The following AGBL1 variants were observed in gnomAD, a reference collection of about 807,000 sequenced individuals.
The protein encoded by AGBL1 is AGBL carboxypeptidase 1, also known as cytosolic carboxypeptidase 4.
Under a neutral mutation model 118.9 loss-of-function variants are expected in AGBL1, and 130 were observed. The observed-to-expected ratio is 1.09, with a 90% confidence interval of 0.95 to 1.26. The LOEUF is 1.26. Ranked by LOEUF, AGBL1 falls within the 50% of genes most tolerant of loss-of-function variation. The probability of loss-of-function intolerance (pLI) is 0.00; values close to 1 mark genes in which losing one functional copy is unlikely to be tolerated. For missense variants in AGBL1, 1,584 were observed against 1,298.1 expected (o/e 1.22, Z -3.38); for synonymous variants, 555 against 478.9 (o/e 1.16, Z -2.08).
At chr15:86,500,232 G>A (rs1490473850) in intron 18 of AGBL1, among the ~76,000 whole-genome samples, 2 of 151,836 alleles carry the variant, frequency 1.3e-5, no homozygotes, top group Non-Finnish European at 2.9e-5. Context: ...TGATGCACAG[G>A]TTTGTGGAGG....
At chr15:86,501,697 A>G (rs886456024) in intron 18 of AGBL1, among the ~76,000 whole-genome samples, 1 of 151,532 alleles carries the variant, frequency 6.6e-6, no homozygotes, top group Non-Finnish European at 1.5e-5. Flanking sequence ...CATTTGTTGA[A>G]AAGGCTATTT....
At chr15:86,184,433 C>CTTTTTT (rs71144032) in intron 5 of AGBL1, among the ~76,000 whole-genome samples, 1 of 136,186 alleles carries the variant, frequency 7.3e-6, no homozygotes, top group African/African-American at 2.6e-5. Context: ...TTTTTTCTTT[C>CTTTTTT]TTTTTTTTTT....
intron 11 of AGBL1, 37 bp downstream of exon 11, chr15:86,264,875 G>A (rs1445921616): frequency 2.7e-6 from 4 of 1,490,798 alleles, no homozygotes; most frequent in Non-Finnish European, 3.6e-6. Flanking sequence ...CTTTTTTTCT[G>A]TTCTTTGATA....
At position 86,863,963 on chromosome 15, in the gene AGBL1, G is replaced by A. The variant is rs78537261; in HGVS notation, c.3159-43124G>A. On this transcript the variant is annotated intron_variant, in intron 22 of 22. Transcript: ENST00000614907. ...TAGCCTAGCACCTGGGGGATGGTAG[G>A]GTTTCAACAAAAGGTAATTGATACA... Among the ~76,000 whole-genome samples, 6 of 152,208 alleles carry A rather than the reference G, an allele frequency of 3.9e-5. No individual in the cohort carries two copies. In the East Asian group the frequency reaches 1.2e-3, roughly 29 times the overall value.
At chr15:86,922,610 T>G (rs2080492216) in intron 23 of AGBL1, among the ~76,000 whole-genome samples, 1 of 152,198 alleles carries the variant, frequency 6.6e-6, no homozygotes, top group Non-Finnish European at 1.5e-5. Context: ...TTTAAAAAAC[T>G]AAACAGAAGG....
intron 18 of AGBL1, among the ~76,000 whole-genome samples, chr15:86,489,437 A>AT (rs1567021096): frequency 2.0e-5 from 3 of 152,228 alleles, no homozygotes; most frequent in East Asian, 1.9e-4. Flanking sequence ...GTAAGTTGTC[A>AT]TTTTTTTCCT....
intron 23 of AGBL1, among the ~76,000 whole-genome samples, chr15:86,975,803 C>T (rs529509966): frequency 7.9e-5 from 12 of 152,108 alleles, no homozygotes; most frequent in African/African-American, 2.7e-4. Flanking sequence ...TAAATATGAT[C>T]GCAGTTATAA....
intron 18 of AGBL1, among the ~76,000 whole-genome samples, chr15:86,412,389 C>A (rs2081634029): frequency 6.6e-6 from 1 of 152,278 alleles, no homozygotes; most frequent in Non-Finnish European, 1.5e-5. Flanking sequence ...TGACTATTAT[C>A]CTATTTCTGA....
chr15:86,722,454 C>A (rs200752090), intron 22 of AGBL1, among the ~76,000 whole-genome samples: 33,869 of 151,980 alleles, frequency 0.22, 4,348 homozygotes, highest in South Asian at 0.35. Context: ...GGCTAGCCAT[C>A]TGTAGAAAGC....
intron 23 of AGBL1, among the ~76,000 whole-genome samples, chr15:86,929,965 G>A (rs2080586072): frequency 6.6e-6 from 1 of 152,074 alleles, no homozygotes; most frequent in Non-Finnish European, 1.5e-5. Context: ...CCCTTTGGCT[G>A]GCTAATATTT....
At chr15:86,596,105 C>A (rs2084401701) in intron 21 of AGBL1, among the ~76,000 whole-genome samples, 1 of 151,840 alleles carries the variant, frequency 6.6e-6, no homozygotes, top group Non-Finnish European at 1.5e-5. Context: ...TTGAGACCAG[C>A]CTGGACAACA....
chr15:86,924,185 G>A (rs1410494847), intron 23 of AGBL1, among the ~76,000 whole-genome samples: 1 of 152,204 alleles, frequency 6.6e-6, no homozygotes, highest in East Asian at 1.9e-4. Context: ...ATACACACAT[G>A]CTCATACACA....
At chr15:86,221,830 A>AT (rs1235791937) in intron 5 of AGBL1, among the ~76,000 whole-genome samples, 2 of 151,986 alleles carry the variant, frequency 1.3e-5, no homozygotes, top group Non-Finnish European at 2.9e-5. Context: ...TGAAGTGAAA[A>AT]TTTCTTAGAT....
intron 17 of AGBL1, among the ~76,000 whole-genome samples, chr15:86,393,183 TG>T (rs1488756841): frequency 6.6e-6 from 1 of 152,188 alleles, no homozygotes; most frequent in Non-Finnish European, 1.5e-5. Flanking sequence ...CAAGGTCTTG[TG>T]GTGTATTACA....
downstream of AGBL1, among the ~76,000 whole-genome samples, chr15:86,918,180 C>G (rs2080447918): frequency 6.6e-6 from 1 of 152,124 alleles, no homozygotes; most frequent in African/African-American, 2.4e-5. Context: ...AAACATGAAC[C>G]AGACCTTGGG....
At chr15:86,301,641 GGTGTGTGTGTGT>G (rs60282415) in intron 17 of AGBL1, among the ~76,000 whole-genome samples, 13,154 of 137,188 alleles carry the variant, frequency 0.096, 696 homozygotes, top group Middle Eastern at 0.16. Flanking sequence ...TAATCTACAG[GGTGTGTGTGTGT>G]GTGTGTGTGT....
At chr15:86,733,307 C>G (rs986978418) in intron 22 of AGBL1, among the ~76,000 whole-genome samples, 3 of 152,110 alleles carry the variant, frequency 2.0e-5, no homozygotes, top group Admixed American at 2.0e-4. Flanking sequence ...AAAGTTTTCT[C>G]TTCCTCTTCC....
intron 22 of AGBL1, among the ~76,000 whole-genome samples, chr15:86,889,565 G>C (rs1453637210): frequency 1.3e-5 from 2 of 152,064 alleles, no homozygotes; most frequent in African/African-American, 4.8e-5. Flanking sequence ...CCCAACGGCA[G>C]GCCCCAGTGT....
chr15:86,325,787 A>G (rs968440203), intron 17 of AGBL1, among the ~76,000 whole-genome samples: 2 of 152,184 alleles, frequency 1.3e-5, no homozygotes, highest in East Asian at 1.9e-4. Flanking sequence ...CTATTTTTCC[A>G]ACGGGTCACA....
Sources: gnomAD v4.1 joint callset for allele counts (sites outside exome capture counted in the v4.1 genomes callset) on GRCh38, gnomAD v4.1.1 for gene constraint, MANE v1.5 for transcripts, NCBI Gene and HGNC (gene_info 2026-07-23, HGNC 2026-07-21) for gene names.